Variants in CAMTA1 observed in about 807,000 individuals in gnomAD.
The protein encoded by CAMTA1 is calmodulin binding transcription activator 1, also known as calmodulin-binding transcription activator 1.
CAMTA1 carries 27 observed loss-of-function variants against 170.9 expected under a neutral mutation model. The observed-to-expected ratio is 0.16, with a 90% CI of 0.12 to 0.22. The LOEUF (loss-of-function observed/expected upper bound fraction) is 0.22. Among genes scored for constraint, CAMTA1 ranks in the 10% least tolerant of loss-of-function variants. CAMTA1 has a pLI of 1.00. For synonymous variants in CAMTA1, 833 were observed against 891.5 expected, an observed-to-expected ratio of 0.93 and a Z score of 1.17; for missense variants, 1,619 against 2,217.2, an observed-to-expected ratio of 0.73 and a Z score of 5.42.
At chr1:7,420,245 C>T (rs1459861764) in intron 5 of CAMTA1, among the ~76,000 whole-genome samples, 3 of 152,060 alleles carry the variant, frequency 2.0e-5, no homozygotes, top group Non-Finnish European at 2.9e-5. Context: ...GGCTCCCCCA[C>T]CTCTCCCCTC....
chr1:7,566,800 C>A (rs773213653), intron 6 of CAMTA1, among the ~76,000 whole-genome samples: 3 of 152,150 alleles, frequency 2.0e-5, no homozygotes, highest in African/African-American at 7.2e-5. Flanking sequence ...CTTCATCGTG[C>A]GGGGAGGGCA....
chr1:7,660,102 T>G (rs768583064), intron 7 of CAMTA1, among the ~76,000 whole-genome samples: 2 of 152,200 alleles, frequency 1.3e-5, no homozygotes, highest in Non-Finnish European at 2.9e-5. Flanking sequence ...GAGACAGAGT[T>G]TTGCTCTCAT....
chr1:7,216,711 A>T lies in CAMTA1; in HGVS notation c.303-32780A>T, dbSNP rs1391146321. On this transcript the variant is annotated intron_variant, in intron 4 of 22. Coordinates refer to ENST00000303635, the MANE Select transcript of CAMTA1 (RefSeq NM_015215.4). The surrounding 1 kb of genome is among the most constrained non-coding windows in gnomAD (Gnocchi z 4.0). ...TTTTTAGTAGAGATAGGGTTTTGTC[A>T]TGTTGGCCAGGCTGGTCTTGAACTC... Among the ~76,000 whole-genome samples, 1 of 152,010 alleles carries T rather than the reference A, an allele frequency of 6.6e-6. No homozygotes were observed. Among genetic ancestry groups the T allele is most frequent in the Non-Finnish European group, 1.5e-5 (1 of 68,016 alleles).
intron 5 of CAMTA1, among the ~76,000 whole-genome samples, chr1:7,418,252 G>A (rs1044089491): frequency 1.3e-5 from 2 of 152,206 alleles, no homozygotes; most frequent in African/African-American, 4.8e-5. Flanking sequence ...CTGGAGTGCA[G>A]TGGTGCAATC....
intron 3 of CAMTA1, among the ~76,000 whole-genome samples, chr1:6,899,553 C>G (rs550145162): frequency 1.5e-5 from 1 of 68,484 alleles, no homozygotes; most frequent in African/African-American, 5.7e-5. Context: ...CACGCGCGCG[C>G]GCACACACAC....
At chr1:6,995,295 C>CTTTTCTTTTTTTTTTTTTTT (rs1697047615) in intron 3 of CAMTA1, among the ~76,000 whole-genome samples, 11 of 60,620 alleles carry the variant, frequency 1.8e-4, no homozygotes, top group Non-Finnish European at 2.6e-4. Context: ...TTTTTCTTTT[C>CTTTTCTTTTTTTTTTTTTTT]TTTTTTTTTT....
chr1:7,766,554 T>C lies in CAMTA1; in HGVS notation c.*63T>C, dbSNP rs1327493683. ...TTTTCAGACTGTTTTCATTTCTGTT[T>C]TTAGCAGAGACATGCAACAACAACA... On this transcript the variant is annotated 3_prime_UTR_variant, in exon 23 of 23. Coordinates refer to ENST00000303635, the MANE Select transcript of CAMTA1 (RefSeq NM_015215.4). The C allele has an allele frequency of 6.8e-7, 1 of 1,479,382 alleles. No individual in the cohort carries two copies. Among genetic ancestry groups the C allele is most frequent in the South Asian group, 1.1e-5 (1 of 88,332 alleles). 91.6% of individuals were successfully genotyped at this position (1,479,382 alleles called of 1,614,324 possible). A position where few individuals can be genotyped will look rare whatever the true frequency, so the allele number is the denominator to read the frequency against.
At chr1:7,517,627 G>A (rs1247997065) in intron 6 of CAMTA1, among the ~76,000 whole-genome samples, 4 of 150,532 alleles carry the variant, frequency 2.7e-5, no homozygotes, top group Non-Finnish European at 5.9e-5. Flanking sequence ...AAGGGTTGGG[G>A]AAATTCCTGG....
chr1:7,463,374 T>G lies in CAMTA1; in HGVS notation c.439-4456T>G, dbSNP rs1245781252. On this transcript the variant is annotated intron_variant, in intron 5 of 22. Transcript: ENST00000303635. The surrounding 1 kb of genome is among the most constrained non-coding windows in gnomAD (Gnocchi z 4.7). ...AGAGACAGAGAAAGATGGAGAGAGA[T>G]AGCAGGAGAGACAGAGACAGATACA... Among the ~76,000 whole-genome samples the G allele has an allele frequency of 6.8e-6, 1 of 147,354 alleles. No homozygotes were observed. Among genetic ancestry groups the G allele is most frequent in the East Asian group, 2.0e-4 (1 of 4,976 alleles).
chr1:6,791,995 T>C (rs1641239763), intron 1 of CAMTA1, among the ~76,000 whole-genome samples: 1 of 150,572 alleles, frequency 6.6e-6, no homozygotes, highest in African/African-American at 2.4e-5. Flanking sequence ...TGAGGCTGAG[T>C]CTTGCTTTGT....
intron 7 of CAMTA1, 105 bp downstream of exon 7, chr1:7,640,658 AG>A (rs367621793): frequency 5.2e-6 from 7 of 1,336,582 alleles, no homozygotes; most frequent in Middle Eastern, 1.9e-4. Flanking sequence ...GCGGGTCCGG[AG>A]CCCCATCTTG....
Position 7,092,491 on chromosome 1 carries a change from T to C in CAMTA1, c.302+1120T>C, listed in dbSNP as rs1641610591. 6.6e-6 allele frequency among the ~76,000 whole-genome samples: 1 copy of C among 152,200 alleles called. No individual in the cohort carries two copies. Among genetic ancestry groups the C allele is most frequent in the Non-Finnish European group, 1.5e-5 (1 of 68,028 alleles). Reference sequence around the variant, plus strand: ...CTTTGAAGGAGGCTAGAGGGCATTGTGGAAGGAAGGTTAGTTATTGAGGCT... The same window carrying C: ...CTTTGAAGGAGGCTAGAGGGCATTGCGGAAGGAAGGTTAGTTATTGAGGCT... On this transcript the variant is annotated intron_variant, in intron 4 of 22. Transcript: ENST00000303635. This position sits in a 1 kb window ranked among gnomAD's most constrained non-coding sequence, Gnocchi z 5.0.
chr1:7,629,392 A>G (rs1326309698), intron 6 of CAMTA1, among the ~76,000 whole-genome samples: 2 of 152,244 alleles, frequency 1.3e-5, no homozygotes, highest in Non-Finnish European at 2.9e-5. Context: ...TGGATCAGCC[A>G]TCCGGGAACT....
intron 3 of CAMTA1, among the ~76,000 whole-genome samples, chr1:6,831,942 A>C (rs1006578522): frequency 2.0e-5 from 3 of 152,226 alleles, no homozygotes; most frequent in Non-Finnish European, 4.4e-5. Context: ...TTTTTATAGG[A>C]GGAAACTTAC....
intron 4 of CAMTA1, among the ~76,000 whole-genome samples, chr1:7,179,670 T>C (rs773300000): frequency 3.4e-4 from 51 of 151,970 alleles, no homozygotes; most frequent in Non-Finnish European, 1.2e-4. Context: ...GAAAGCAAAT[T>C]AAAAATTAAA....
At chr1:7,263,173 C>G (rs974198025) in intron 5 of CAMTA1, among the ~76,000 whole-genome samples, 1 of 151,902 alleles carries the variant, frequency 6.6e-6, no homozygotes, top group African/African-American at 2.4e-5. Flanking sequence ...TGTATAGTAA[C>G]TTCGTCTATA....
intron 3 of CAMTA1, among the ~76,000 whole-genome samples, chr1:6,899,544 A>ATG (rs1321901385): frequency 3.2e-4 from 33 of 102,704 alleles, no homozygotes; most frequent in African/African-American, 1.2e-3. Context: ...TATAACGCGC[A>ATG]CGCGCGCGCG....
chr1:7,015,457 C>T (rs1700399456), intron 3 of CAMTA1, among the ~76,000 whole-genome samples: 1 of 152,168 alleles, frequency 6.6e-6, no homozygotes, highest in Non-Finnish European at 1.5e-5. Context: ...TGCAGCTAAA[C>T]TTAGCCTGCC....
intron 4 of CAMTA1, among the ~76,000 whole-genome samples, chr1:7,130,896 T>C (rs143134927): frequency 0.011 from 1,667 of 152,328 alleles, 27 homozygotes; most frequent in South Asian, 0.061. Context: ...ATTTTAGATA[T>C]GAATTCTTTG....
Sources: allele counts gnomAD v4.1 joint callset (sites outside exome capture counted in the v4.1 genomes callset), GRCh38; gene constraint gnomAD v4.1.1; non-coding constraint Gnocchi (gnomAD v3.1); transcripts MANE v1.5; gene names NCBI Gene and HGNC (gene_info 2026-07-23, HGNC 2026-07-21).